The following CPEB2 variants were observed in gnomAD, a reference collection of about 807,000 sequenced individuals.
The protein encoded by CPEB2 is cytoplasmic polyadenylation element binding protein 2.
In CPEB2, 56 loss-of-function variants were observed where a neutral mutation model predicts 93.6. The observed-to-expected ratio is 0.60, with a 90% CI of 0.48 to 0.75. CPEB2 has a LOEUF of 0.75. CPEB2 is among the 30% of genes least tolerant of loss of function. The pLI is 0.00. For synonymous variants in CPEB2, 764 were observed against 586.3 expected (o/e 1.30, Z -4.38); for missense variants, 1,579 against 1,395.1 (o/e 1.13, Z -2.10).
chr4:15,015,449 A>G (rs964594785), intron 3 of CPEB2, among the ~76,000 whole-genome samples: 15 of 152,042 alleles, frequency 9.9e-5, no homozygotes, highest in African/African-American at 3.1e-4. Context: ...TCCTTCCGTC[A>G]TTCAGTGTTA....
At chr4:15,062,342 T>A in intron 11 of CPEB2, 82 bp downstream of exon 11, 2 of 936,608 alleles carry the variant, frequency 2.1e-6, no homozygotes, top group East Asian at 2.5e-5. Flanking sequence ...GTTAATAATA[T>A]AATTTGAACA....
intron 10 of CPEB2, among the ~76,000 whole-genome samples, chr4:15,061,210 A>G (rs567831285): frequency 1.8e-4 from 28 of 152,214 alleles, no homozygotes; most frequent in Middle Eastern, 3.4e-3. Context: ...GAGCTTAAAA[A>G]CATATAGATG....
chr4:15,003,939 G>C lies in CPEB2; in HGVS notation c.1266G>C (p.Ser422=), dbSNP rs765867305. 1.3e-5 allele frequency: 16 copies of C among 1,209,914 alleles called. No individual in the cohort carries two copies. 74.9% of individuals were successfully genotyped at this position (1,209,914 alleles called of 1,614,324 possible). The change falls in exon 1 of 12, where the codon TCG becomes TCC. Residue 422 remains serine, a synonymous_variant. Transcript: ENST00000538197. ...PPQPQPQPPG[S]SATTPGGGSG... is the part of the protein sequence containing the mutation. Reference sequence around the variant, plus strand: ...AGCCGCAGCCGCAGCCGCCCGGCTCGTCTGCCACCACCCCGGGCGGCGGCA... The same window carrying C: ...AGCCGCAGCCGCAGCCGCCCGGCTCCTCTGCCACCACCCCGGGCGGCGGCA...
At chr4:15,038,649 C>T (rs545321863) in intron 5 of CPEB2, among the ~76,000 whole-genome samples, 2 of 149,824 alleles carry the variant, frequency 1.3e-5, no homozygotes, top group South Asian at 2.1e-4. Flanking sequence ...ATTGCAGTGG[C>T]GCTATCTCAT....
chr4:15,003,787 T>TCGC lies in CPEB2; in HGVS notation c.1124_1126dup (p.Pro375dup), dbSNP rs1320919793. ...AGGCGGAGGGGGAGGCGGCTCCGCGTCGCCGCCGCCGCTGCCCGGCTTCGG... is the reference window on the plus strand; with the variant it reads ...AGGCGGAGGGGGAGGCGGCTCCGCGTCGCCGCCGCCGCCGCTGCCCGGCTTCGG... On this transcript the variant is annotated inframe_insertion, in exon 1 of 12. Transcript: ENST00000538197. The TCGC allele has an allele frequency of 7.9e-6, 5 of 629,310 alleles. No homozygotes were observed. Among genetic ancestry groups the TCGC allele is most frequent in the Non-Finnish European group, 4.1e-6 (2 of 485,342 alleles). 39.0% of individuals were successfully genotyped at this position (629,310 alleles called of 1,614,324 possible). A position where few individuals can be genotyped will look rare whatever the true frequency, so the allele number is the denominator to read the frequency against.
In CPEB2 at chr4:15,002,538, C is replaced by T. The variant is rs1012016723; in HGVS notation, c.-136C>T. Reference sequence around the variant, plus strand: ...GGGTGGTGGGGCCGAAGTCGGTGCCCCCTGGCTCAGTCACGGTGTCCCTCT... The same window carrying T: ...GGGTGGTGGGGCCGAAGTCGGTGCCTCCTGGCTCAGTCACGGTGTCCCTCT... On this transcript the variant is annotated 5_prime_UTR_variant, in exon 1 of 12. Transcript: ENST00000538197. The T allele has an allele frequency of 1.0e-5, 7 of 672,282 alleles. No individual in the cohort carries two copies. Among genetic ancestry groups the T allele is most frequent in the Admixed American group, 7.9e-5 (2 of 25,214 alleles). The allele number at this position is 672,282 out of a possible 1,614,324, so 41.6% of individuals were successfully genotyped here.
chr4:15,003,218 T>C lies in CPEB2; in HGVS notation c.545T>C (p.Phe182Ser), dbSNP rs1720426063. The change falls in exon 1 of 12, where the codon TTC (phenylalanine) becomes TCC (serine). Residue 182 changes from phenylalanine to serine, a missense_variant. Physicochemically the swap from Phe to Ser is radical, Grantham distance 155. Coordinates refer to ENST00000538197, the MANE Select transcript of CPEB2 (RefSeq NM_001177382.2). ...CTGAGCAGCCAGAAGAGGAAAGAGT[T>C]CAGCCCTCCCCACCTTCCCCACCCT... ...QQLSSQKRKE[F>S]SPPHLPHPPD... is the part of the protein sequence containing the mutation. The C allele has an allele frequency of 6.5e-7, 1 of 1,531,226 alleles. No individual in the cohort carries two copies. Among genetic ancestry groups the C allele is most frequent in the African/African-American group, 1.4e-5 (1 of 71,704 alleles). 94.9% of individuals were successfully genotyped at this position (1,531,226 alleles called of 1,614,324 possible).
rs1193350411 is a variant in CPEB2 at position 15,002,868 on chromosome 4, C to G, written c.195C>G (p.Phe65Leu). ...GCTTCTTAGAGGCCGCCTCCCCCTT[C>G]TCCGTCCCCCTCGGCGGCGGCGCGG... is the stretch of plus-strand genomic sequence containing the variant. ...VTGFLEAASPFSVPLGGGAGS... is the reference protein window; with the variant it reads ...VTGFLEAASPLSVPLGGGAGS... The change falls in exon 1 of 12, where the codon TTC becomes TTG. Residue 65 changes from phenylalanine (F) to leucine (L), a missense_variant. Phe to Leu is a conservative substitution (Grantham distance 22). Around this residue, in one of 2 missense-constraint regions of CPEB2, gnomAD observed 1,411 missense variants for 1,056.0 expected, o/e 1.34. Coordinates refer to ENST00000538197, the MANE Select transcript of CPEB2 (RefSeq NM_001177382.2). The G allele has an allele frequency of 6.5e-7, 1 of 1,528,830 alleles. No individual in the cohort carries two copies. The highest frequency in any genetic ancestry group is 1.2e-5 in the South Asian group (1 of 82,940). The allele number at this position is 1,528,830 out of a possible 1,614,324, so 94.7% of individuals were successfully genotyped here.
intron 4 of CPEB2, among the ~76,000 whole-genome samples, chr4:15,032,691 A>G (rs191836246): frequency 6.6e-6 from 1 of 152,146 alleles, no homozygotes; most frequent in African/African-American, 2.4e-5. Context: ...GCAAGTTGAG[A>G]TGAATTTTTC....
At chr4:15,032,345 A>G (rs1273514891) in intron 4 of CPEB2, among the ~76,000 whole-genome samples, 1 of 152,234 alleles carries the variant, frequency 6.6e-6, no homozygotes, top group African/African-American at 2.4e-5. Flanking sequence ...TATAATATAG[A>G]CTAAAAATAA....
intron 3 of CPEB2, among the ~76,000 whole-genome samples, chr4:15,011,721 A>G (rs755592965): frequency 2.6e-5 from 4 of 152,204 alleles, no homozygotes; most frequent in Non-Finnish European, 5.9e-5. Context: ...AATATCCTTT[A>G]AGTGAGGTTA....
chr4:15,021,246 A>G (rs1724777355), intron 4 of CPEB2, among the ~76,000 whole-genome samples: 1 of 152,214 alleles, frequency 6.6e-6, no homozygotes, highest in South Asian at 2.1e-4. Flanking sequence ...CTCCATTAAC[A>G]TCCTATTTTC....
intron 7 of CPEB2, among the ~76,000 whole-genome samples, chr4:15,053,447 T>G (rs1337461149): frequency 6.6e-6 from 1 of 152,212 alleles, no homozygotes; most frequent in Non-Finnish European, 1.5e-5. Context: ...TAATTGTATG[T>G]GATAACAAAA....
intron 1 of CPEB2, among the ~76,000 whole-genome samples, chr4:15,005,674 G>A (rs1021094764): frequency 6.6e-6 from 1 of 152,114 alleles, no homozygotes; most frequent in African/African-American, 2.4e-5. Context: ...TTTTTAAAGT[G>A]AATATTATCT....
chr4:15,003,767 G>A lies in CPEB2; in HGVS notation c.1094G>A (p.Gly365Glu). The A allele has an allele frequency of 8.3e-7, 1 of 1,211,780 alleles. No individual in the cohort carries two copies. Among genetic ancestry groups the A allele is most frequent in the Non-Finnish European group, 1.0e-6 (1 of 973,504 alleles). The allele number at this position is 1,211,780 out of a possible 1,614,324, so 75.1% of individuals were successfully genotyped here. ...GGGGGCGGGGGGCCCCCAGGAGGCG[G>A]AGGGGGAGGCGGCTCCGCGTCGCCG... ...GGGGGGPPGG[G>E]GGGGSASPPP... Residue 365 changes from glycine (G) to glutamate (E), a missense_variant, in exon 1 of 12, where the codon GGA (glycine) becomes GAA (glutamate). By Grantham distance (98) the Gly-to-Glu change is moderately conservative. Transcript: ENST00000538197.
chr4:15,057,222 T>A (rs1728796325), intron 8 of CPEB2, among the ~76,000 whole-genome samples: 1 of 152,180 alleles, frequency 6.6e-6, no homozygotes, highest in Admixed American at 6.5e-5. Flanking sequence ...TGTTTTTTAA[T>A]CCTGTGTAAT....
intron 6 of CPEB2, among the ~76,000 whole-genome samples, chr4:15,043,078 A>C (rs1165395522): frequency 2.0e-5 from 3 of 152,158 alleles, no homozygotes; most frequent in African/African-American, 7.2e-5. Flanking sequence ...TCTGACTTTG[A>C]CTTTTGTAGT....
rs1438193292 is a variant in CPEB2, at chr4:15,003,100, A to T, written c.427A>T (p.Ser143Cys). ...CCTCCCCTCCCAGGACTTCAAACCG[A>T]GTCTGCACCACCCCTCCTCCTCCTC... is the stretch of plus-strand genomic sequence containing the variant. ...HLLPSQDFKPSLHHPSSSSAS... is the reference protein window; with the variant it reads ...HLLPSQDFKPCLHHPSSSSAS... Residue 143 changes from serine (S) to cysteine (C), a missense_variant, in exon 1 of 12, where the codon AGT becomes TGT. Ser to Cys is a moderately radical substitution (Grantham distance 112). Around this residue, in one of 2 missense-constraint regions of CPEB2, gnomAD observed 1,411 missense variants for 1,056.0 expected, o/e 1.34. Coordinates refer to ENST00000538197, the MANE Select transcript of CPEB2 (RefSeq NM_001177382.2). 18 of 1,532,552 alleles carry T rather than the reference A, an allele frequency of 1.2e-5. No individual in the cohort carries two copies. The Admixed American group carries it at 1.4e-4, about 12-fold the overall frequency. The allele number at this position is 1,532,552 out of a possible 1,614,324, so 94.9% of individuals were successfully genotyped here.
chr4:15,004,152 G>T lies in CPEB2; in HGVS notation c.1479G>T (p.Ser493=). Residue 493 remains serine (S), a synonymous_variant, in exon 1 of 12, where the codon TCG becomes TCT. Coordinates refer to ENST00000538197, the MANE Select transcript of CPEB2 (RefSeq NM_001177382.2). ...GGGGGFGGPF[S]ATAVPPPPPP... ...GCGGCGGCTTCGGCGGCCCCTTCTC[G>T]GCTACCGCTGTGCCCCCTCCGCCGC... is the stretch of plus-strand genomic sequence containing the variant. 3 of 1,324,732 alleles carry T rather than the reference G, an allele frequency of 2.3e-6. No individual in the cohort carries two copies. The highest frequency in any genetic ancestry group is 8.5e-5 in the East Asian group (2 of 23,636). The allele number at this position is 1,324,732 out of a possible 1,614,324, so 82.1% of individuals were successfully genotyped here.
Sources: gnomAD v4.1 joint callset for allele counts (sites outside exome capture counted in the v4.1 genomes callset) on GRCh38, gnomAD v4.1.1 for gene constraint, gnomAD v4.1.1 regional missense constraint, MANE v1.5 for transcripts, NCBI Gene and HGNC (gene_info 2026-07-23, HGNC 2026-07-21) for gene names.